Variants in ALOXE3 observed in about 807,000 individuals in gnomAD.
ALOXE3 encodes hydroperoxide isomerase ALOXE3.
ALOXE3 carries 78 observed loss-of-function variants against 87.5 expected under a neutral mutation model. The observed-to-expected ratio is 0.89, with a 90% CI of 0.74 to 1.08. The LOEUF is 1.08. Ranked by LOEUF, ALOXE3 falls within the 50% of genes least tolerant of loss-of-function variation. ALOXE3 has a pLI of 0.00. For missense variants in ALOXE3, 946 were observed against 912.4 expected (o/e 1.04, Z -0.47); for synonymous variants, 363 against 370.8 (o/e 0.98, Z 0.24).
intron 6 of ALOXE3, 150 bp downstream of exon 6, chr17:8,114,334 G>T: frequency 9.0e-7 from 1 of 1,106,128 alleles, no homozygotes; most frequent in Non-Finnish European, 1.3e-6. Context: ...GGAAGACTGT[G>T]GGGCAGGGAG....
At chr17:8,108,624 C>A in intron 12 of ALOXE3, 35 bp from the exon 13 acceptor site, 1 of 1,602,750 alleles carries the variant, frequency 6.2e-7, no homozygotes, top group Non-Finnish European at 8.5e-7. Context: ...ACTGGAGTAA[C>A]CACGGGCTCA....
chr17:8,108,750 T>A (rs933491357), intron 12 of ALOXE3, among the ~76,000 whole-genome samples, 161 bp from the exon 13 acceptor site: 1 of 152,034 alleles, frequency 6.6e-6, no homozygotes, highest in Admixed American at 6.6e-5. Flanking sequence ...GGGCTTCCCT[T>A]AAGTCCCACT....
upstream of ALOXE3, chr17:8,118,910 C>A: frequency 6.8e-7 from 1 of 1,465,332 alleles, no homozygotes. Context: ...CCCGCGCGGC[C>A]GGTTCCGGCG....
intron 15 of ALOXE3, among the ~76,000 whole-genome samples, chr17:8,099,747 T>A (rs1201157788): frequency 1.3e-5 from 2 of 152,082 alleles, no homozygotes; most frequent in African/African-American, 4.8e-5. Context: ...ATGTTCCCTT[T>A]CTTTCTCTTT....
chr17:8,112,272 T>C, intron 6 of ALOXE3, 76 bp from the exon 7 acceptor site: 1 of 1,101,864 alleles, frequency 9.1e-7, no homozygotes, highest in Non-Finnish European at 1.4e-6. Flanking sequence ...CCCCTCTGCC[T>C]GGAGGAACTG....
intron 13 of ALOXE3, 62 bp downstream of exon 13, chr17:8,108,406 G>C (rs1469500396): frequency 6.3e-7 from 1 of 1,597,804 alleles, no homozygotes; most frequent in African/African-American, 1.3e-5. Flanking sequence ...TGGGAGTAGG[G>C]TGTGGCCAAG....
Position 8,115,666 on chromosome 17 carries a change from A to G in ALOXE3, c.375T>C (p.Ser125=). ...PGTARTICQD[S]LPLLLDHRTR... ...TCCTGTGATCCAGGAGGAGGGGAAGAGAGTCCTGACAAATAGTTCTTGCTG... is the reference window on the plus strand; with the variant it reads ...TCCTGTGATCCAGGAGGAGGGGAAGGGAGTCCTGACAAATAGTTCTTGCTG... Residue 125 remains serine, a synonymous_variant, in exon 4 of 16, where the codon TCT becomes TCC. Transcript: ENST00000448843. 6.2e-7 allele frequency: 1 copy of G among 1,613,798 alleles called. No homozygotes were observed.
rs1567996448 is a variant in ALOXE3 at position 8,107,909 on chromosome 17, GAAA to G, written c.1684+556_1684+558del. 2.3e-3 allele frequency among the ~76,000 whole-genome samples: 13 copies of G among 5,554 alleles called. 1 individual carries two copies. Among genetic ancestry groups the G allele is most frequent in the Admixed American group, 4.8e-3 (3 of 622 alleles). 3.6% of individuals were successfully genotyped at this position (5,554 alleles called of 152,430 possible). A position where few individuals can be genotyped will look rare whatever the true frequency, so the allele number is the denominator to read the frequency against. ...AGAAAGAAAGAAAGAAAGAAAGAAAGAAAGAAAGAAAGAAAGAAAGAAAGAAAG... is the reference window on the plus strand; with the variant it reads ...AGAAAGAAAGAAAGAAAGAAAGAAAGGAAAGAAAGAAAGAAAGAAAGAAAG... On this transcript the variant is annotated intron_variant, in intron 13 of 15. Coordinates refer to ENST00000448843, the MANE Select transcript of ALOXE3 (RefSeq NM_021628.3).
At chr17:8,113,585 G>A (rs1190073983) in intron 6 of ALOXE3, among the ~76,000 whole-genome samples, 2 of 151,852 alleles carry the variant, frequency 1.3e-5, no homozygotes, top group African/African-American at 4.8e-5. Flanking sequence ...CCCAGGAAGT[G>A]GAGACTGCAG....
chr17:8,108,169 A>G (rs1030334461), intron 13 of ALOXE3, among the ~76,000 whole-genome samples: 22 of 152,150 alleles, frequency 1.4e-4, no homozygotes, highest in Non-Finnish European at 2.9e-4. Context: ...CTCCCACTGC[A>G]CGTTGCAGAA....
rs1275557132 is a variant in ALOXE3 at position 8,118,484 on chromosome 17, A to G, written c.-314+2T>C. The G allele has an allele frequency of 6.5e-7, 1 of 1,545,812 alleles. No homozygotes were observed. The highest frequency in any genetic ancestry group is 2.0e-5 in the Admixed American group (1 of 50,968). On this transcript the variant is annotated splice_donor_variant, in intron 1 of 15. Coordinates refer to ENST00000448843, the MANE Select transcript of ALOXE3 (RefSeq NM_021628.3). LOFTEE classifies it low-confidence loss of function (5UTR_SPLICE). ...TCCCAGGCAGAGATGAGCACAGGGC[A>G]CCTGCATTCCTACGTGTGAATCATC...
At chr17:8,109,634 G>A (rs879751667) in intron 11 of ALOXE3, among the ~76,000 whole-genome samples, 1 of 151,430 alleles carries the variant, frequency 6.6e-6, no homozygotes, top group Non-Finnish European at 1.5e-5. Flanking sequence ...CTCAGGATGA[G>A]GCTGCCCTGC....
chr17:8,097,022 G>A (rs919465974), intron 15 of ALOXE3, among the ~76,000 whole-genome samples: 2 of 152,188 alleles, frequency 1.3e-5, no homozygotes, highest in Admixed American at 1.3e-4. Context: ...AGACTGTGAC[G>A]TAGGAGCCAG....
chr17:8,112,313 A>G, intron 6 of ALOXE3, 117 bp from the exon 7 acceptor site: 1 of 763,522 alleles, frequency 1.3e-6, no homozygotes, highest in Non-Finnish European at 2.3e-6. Flanking sequence ...AGAGATGCCT[A>G]ACAATCCACA....
intron 2 of ALOXE3, 122 bp from the exon 3 acceptor site, chr17:8,117,102 C>A (rs1369204221): frequency 6.7e-6 from 6 of 899,848 alleles, no homozygotes; most frequent in Non-Finnish European, 1.0e-5. Context: ...TGCTCCCAGC[C>A]CATACCGGGC....
At chr17:8,099,486 A>AC (rs1203341460) in intron 15 of ALOXE3, among the ~76,000 whole-genome samples, 3 of 151,906 alleles carry the variant, frequency 2.0e-5, no homozygotes, top group South Asian at 4.2e-4. Context: ...ACATGGAGAA[A>AC]CCCCATCTCT....
At chr17:8,098,716 ACCTTTCATT>A (rs777124795) in intron 15 of ALOXE3, among the ~76,000 whole-genome samples, 7 of 152,190 alleles carry the variant, frequency 4.6e-5, no homozygotes, top group African/African-American at 9.6e-5. Context: ...GGTTGAACCA[ACCTTTCATT>A]CCTTTCATTC....
chr17:8,107,753 C>G (rs1412422836), intron 13 of ALOXE3, among the ~76,000 whole-genome samples: 4 of 144,372 alleles, frequency 2.8e-5, no homozygotes, highest in South Asian at 2.2e-4. Context: ...GAGCAGAGAT[C>G]GCGCCACTGC....
chr17:8,117,281 G>A (rs1980685522), intron 2 of ALOXE3, among the ~76,000 whole-genome samples: 1 of 152,190 alleles, frequency 6.6e-6, no homozygotes, highest in Non-Finnish European at 1.5e-5. Flanking sequence ...TTAGTCGGGC[G>A]TCGTGGCAGG....
Sources: allele counts gnomAD v4.1 joint callset (sites outside exome capture counted in the v4.1 genomes callset), GRCh38; gene constraint gnomAD v4.1.1; transcripts MANE v1.5; gene names NCBI Gene and HGNC (gene_info 2026-07-23, HGNC 2026-07-21).